Variants in KCNMA1 observed in about 807,000 individuals in gnomAD.
KCNMA1 encodes the protein Calcium-activated potassium channel subunit alpha-1.
In KCNMA1, 29 loss-of-function variants were observed where a neutral mutation model predicts 140.0. That is an observed-to-expected ratio of 0.21 (90% CI 0.15 to 0.28). The LOEUF is 0.28. KCNMA1 is among the 10% of genes least tolerant of loss of function. The pLI, the probability that KCNMA1 is intolerant of heterozygous loss-of-function variation, is 1.00. For missense variants in KCNMA1, 880 were observed against 1,602.2 expected, an observed-to-expected ratio of 0.55 and a Z score of 7.70; for synonymous variants, 612 against 611.9, an observed-to-expected ratio of 1.00 and a Z score of 0.00.
chr10:76,969,105 A>T (rs1412515118), intron 20 of KCNMA1, among the ~76,000 whole-genome samples: 3 of 152,224 alleles, frequency 2.0e-5, no homozygotes, highest in African/African-American at 7.2e-5. Context: ...AAATGCTGGG[A>T]TTGGCAGATG....
intron 5 of KCNMA1, among the ~76,000 whole-genome samples, chr10:77,181,276 C>T (rs2098800376): frequency 5.9e-5 from 9 of 152,320 alleles, no homozygotes; most frequent in Middle Eastern, 3.4e-3. Context: ...TAATTAAGCA[C>T]AGCTCAGTGA....
At chr10:77,233,032 G>A (rs549708152) in intron 3 of KCNMA1, among the ~76,000 whole-genome samples, 113 of 152,102 alleles carry the variant, frequency 7.4e-4, no homozygotes, top group African/African-American at 2.5e-3. Context: ...GTTCACAAGC[G>A]TGTGCCACCA....
At chr10:77,587,544 A>G (rs374001898) in intron 1 of KCNMA1, among the ~76,000 whole-genome samples, 1 of 152,180 alleles carries the variant, frequency 6.6e-6, no homozygotes, top group African/African-American at 2.4e-5. Context: ...CAGAGAGATC[A>G]AAGAAAACAA....
chr10:76,894,392 G>C (rs918882545), intron 25 of KCNMA1, among the ~76,000 whole-genome samples: 4 of 152,076 alleles, frequency 2.6e-5, no homozygotes, highest in Non-Finnish European at 5.9e-5. Context: ...GAAAATATAG[G>C]AGTAAGTCTT....
intron 2 of KCNMA1, among the ~76,000 whole-genome samples, chr10:77,337,419 G>A (rs2089463162): frequency 6.6e-6 from 1 of 152,160 alleles, no homozygotes; most frequent in African/African-American, 2.4e-5. Flanking sequence ...TCGAGTTCCA[G>A]ACCTGCATGG....
chr10:77,589,705 C>T (rs1771290941), intron 1 of KCNMA1, among the ~76,000 whole-genome samples: 2 of 152,084 alleles, frequency 1.3e-5, no homozygotes, highest in Admixed American at 6.5e-5. Context: ...TTTCTTCCTT[C>T]TGGTGGGTTC....
chr10:77,187,572 T>C (rs1343708868), intron 3 of KCNMA1, among the ~76,000 whole-genome samples: 1 of 152,208 alleles, frequency 6.6e-6, no homozygotes, highest in Non-Finnish European at 1.5e-5. Flanking sequence ...AGGAAGTAAA[T>C]GATGCCGCTG....
chr10:77,364,782 A>G (rs2094233293), intron 2 of KCNMA1, among the ~76,000 whole-genome samples: 1 of 152,208 alleles, frequency 6.6e-6, no homozygotes, highest in South Asian at 2.1e-4. Flanking sequence ...CAAGACCCAG[A>G]GTGGCATCCT....
intron 1 of KCNMA1, among the ~76,000 whole-genome samples, chr10:77,564,569 C>G (rs999956067): frequency 6.6e-6 from 1 of 152,132 alleles, no homozygotes; most frequent in African/African-American, 2.4e-5. Context: ...GGCAACAGAG[C>G]AAGACTCTGT....
intron 23 of KCNMA1, among the ~76,000 whole-genome samples, chr10:76,924,312 T>A (rs1247814966): frequency 6.6e-6 from 1 of 152,146 alleles, no homozygotes; most frequent in Non-Finnish European, 1.5e-5. Context: ...AAACCACAGG[T>A]AACATACTGA....
intron 1 of KCNMA1, among the ~76,000 whole-genome samples, chr10:77,413,182 C>T (rs1046729281): frequency 2.0e-5 from 3 of 152,102 alleles, no homozygotes; most frequent in Non-Finnish European, 2.9e-5. Flanking sequence ...TTAAAAAATG[C>T]TTTGTTTCAT....
intron 3 of KCNMA1, among the ~76,000 whole-genome samples, chr10:77,238,686 C>G (rs1262130505): frequency 6.6e-6 from 1 of 152,200 alleles, no homozygotes; most frequent in East Asian, 1.9e-4. Context: ...TCCCAGTCAA[C>G]CTCTGCTTAA....
At chr10:77,163,180 T>C (rs1447203896) in intron 5 of KCNMA1, among the ~76,000 whole-genome samples, 1 of 152,194 alleles carries the variant, frequency 6.6e-6, no homozygotes, top group Non-Finnish European at 1.5e-5. Context: ...CAGCTAAAAA[T>C]GTTTTCCCCC....
At chr10:77,581,420 T>C (rs1033692328) in intron 1 of KCNMA1, among the ~76,000 whole-genome samples, 1 of 152,104 alleles carries the variant, frequency 6.6e-6, no homozygotes. Context: ...GGCATTCTCC[T>C]GCCTCAGCCT....
At chr10:77,514,609 T>C (rs575815896) in intron 1 of KCNMA1, among the ~76,000 whole-genome samples, 2 of 152,316 alleles carry the variant, frequency 1.3e-5, no homozygotes, top group East Asian at 3.9e-4. Context: ...GACCCTGTAT[T>C]ACTGGGTATG....
intron 18 of KCNMA1, 31 bp downstream of exon 18, chr10:77,011,936 G>A: frequency 6.3e-7 from 1 of 1,581,044 alleles, no homozygotes; most frequent in Non-Finnish European, 8.7e-7. Flanking sequence ...GAATGAGAAA[G>A]GGAGGGGACA....
chr10:77,254,755 G>A (rs1329603615), intron 2 of KCNMA1, among the ~76,000 whole-genome samples: 3 of 151,904 alleles, frequency 2.0e-5, no homozygotes, highest in East Asian at 3.9e-4. Context: ...ATCTCTTCAC[G>A]AAGGGCTGAG....
chr10:77,429,007 C>A (rs1462196332), intron 1 of KCNMA1, among the ~76,000 whole-genome samples: 1 of 152,138 alleles, frequency 6.6e-6, no homozygotes, highest in Admixed American at 6.5e-5. Flanking sequence ...TAGCCACCAG[C>A]TCTCAGGCTG....
chr10:77,372,920 C>T lies in KCNMA1; in HGVS notation c.540+30942G>A. The T allele has an allele frequency of 1.3e-5, 2 of 152,118 alleles. 1 individual carries two copies. Among genetic ancestry groups the T allele is most frequent in the Non-Finnish European group, 2.9e-5 (2 of 68,032 alleles). 9.4% of individuals were successfully genotyped at this position (152,118 alleles called of 1,614,324 possible). On this transcript the variant is annotated intron_variant, in intron 2 of 27. Coordinates refer to ENST00000286628, the MANE Select transcript of KCNMA1 (RefSeq NM_001161352.2). ...GTGGAGCAATGTTTAACAGCCTGCCCAAGAAATATTTAATTACCTAGAGGA... is the reference window on the plus strand; with the variant it reads ...GTGGAGCAATGTTTAACAGCCTGCCTAAGAAATATTTAATTACCTAGAGGA...
Sources: gnomAD v4.1 joint callset for allele counts (sites outside exome capture counted in the v4.1 genomes callset) on GRCh38, gnomAD v4.1.1 for gene constraint, MANE v1.5 for transcripts, NCBI Gene and HGNC (gene_info 2026-07-23, HGNC 2026-07-21) for gene names.